ZDHHC14: variants seen among roughly 807,000 people sequenced by gnomAD.
The protein encoded by ZDHHC14 is zDHHC palmitoyltransferase 14, also known as palmitoyltransferase ZDHHC14.
A neutral mutation model predicts 47.7 loss-of-function variants in ZDHHC14; 16 were observed. That is an observed-to-expected ratio of 0.34 (90% CI 0.23 to 0.51). ZDHHC14 has a LOEUF of 0.51. Among genes scored for constraint, ZDHHC14 ranks in the 20% least tolerant of loss-of-function variants. The probability of loss-of-function intolerance (pLI) is 0.97; values close to 1 mark genes in which losing one functional copy is unlikely to be tolerated. For synonymous variants in ZDHHC14, 293 were observed against 278.9 expected (o/e 1.05, Z -0.50); for missense variants, 515 against 662.5 (o/e 0.78, Z 2.44).
At chr6:157,389,432 A>C (rs534435161) in intron 1 of ZDHHC14, among the ~76,000 whole-genome samples, 1 of 152,350 alleles carries the variant, frequency 6.6e-6, no homozygotes, top group South Asian at 2.1e-4. Flanking sequence ...TAATGGCATC[A>C]GTTTTAGGAA....
intron 1 of ZDHHC14, among the ~76,000 whole-genome samples, chr6:157,466,222 C>T (rs1333770829): frequency 6.6e-6 from 1 of 152,182 alleles, no homozygotes; most frequent in Admixed American, 6.5e-5. Flanking sequence ...GCTTACCTCT[C>T]CCTGGGTAAG....
chr6:157,613,557 G>A (rs368055083), intron 3 of ZDHHC14, among the ~76,000 whole-genome samples: 51 of 152,268 alleles, frequency 3.3e-4, no homozygotes, highest in Non-Finnish European at 6.3e-4. Context: ...GTATACCTCC[G>A]GGACCCTGGG....
Position 157,502,872 on chromosome 6 carries a change from A to G in ZDHHC14, c.246-39713A>G, listed in dbSNP as rs139064497. ...TGCCCAGCTAATTTTTGTATTTTTA[A>G]TAGAGATGGGGTTTTACCATGTTGC... On this transcript the variant is annotated intron_variant, in intron 1 of 8. Transcript: ENST00000359775. The surrounding 1 kb of genome is among the most constrained non-coding windows in gnomAD (Gnocchi z 4.0). Among the ~76,000 whole-genome samples, 4,267 of 152,020 alleles carry G rather than the reference A, an allele frequency of 0.028. 177 individuals carry two copies. The highest frequency in any genetic ancestry group is 0.097 in the African/African-American group (4,033 of 41,436).
chr6:157,583,506 T>C lies in ZDHHC14; in HGVS notation c.407-9482T>C, dbSNP rs182406312. 8.4e-4 allele frequency among the ~76,000 whole-genome samples: 127 copies of C among 151,826 alleles called. 1 individual carries two copies. Among genetic ancestry groups the C allele is most frequent in the Non-Finnish European group, 1.7e-3 (113 of 67,910 alleles). On this transcript the variant is annotated intron_variant, in intron 2 of 8. Transcript: ENST00000359775. ...CCAAAGGTGTTTTTTTTTTTGTTGG[T>C]TCGTTTGTTTTGTTGTTATTGTTCT...
chr6:157,529,870 G>A (rs965550880), intron 1 of ZDHHC14, among the ~76,000 whole-genome samples: 12 of 152,100 alleles, frequency 7.9e-5, no homozygotes, highest in Non-Finnish European at 1.6e-4. Flanking sequence ...ATTGACTTCT[G>A]GTTATGAAAC....
chr6:157,641,807 C>A (rs767815909), intron 5 of ZDHHC14, among the ~76,000 whole-genome samples: 2 of 152,060 alleles, frequency 1.3e-5, no homozygotes, highest in East Asian at 1.9e-4. Context: ...GTGTTTCTTA[C>A]GTTTGGTGCA....
At position 157,507,008 on chromosome 6, in the gene ZDHHC14, G is replaced by A. The variant is rs147608363; in HGVS notation, c.246-35577G>A. Among the ~76,000 whole-genome samples, 577 of 152,062 alleles carry A rather than the reference G, an allele frequency of 3.8e-3. 3 individuals are homozygous for A. The highest frequency in any genetic ancestry group is 0.013 in the African/African-American group (553 of 41,476). ...AAAACCAGCCATCTCCTGTGACCCT[G>A]CCCCCTACTCTCAGTTTCAACTGTT... On this transcript the variant is annotated intron_variant, in intron 1 of 8. Coordinates refer to ENST00000359775, the MANE Select transcript of ZDHHC14 (RefSeq NM_024630.3).
chr6:157,416,867 C>G (rs1163533360), intron 1 of ZDHHC14, among the ~76,000 whole-genome samples: 1 of 143,794 alleles, frequency 7.0e-6, no homozygotes, highest in Admixed American at 7.2e-5. Context: ...AGTGCAATGG[C>G]GTGATCTTGG....
chr6:157,522,007 A>G (rs560210422), intron 1 of ZDHHC14, among the ~76,000 whole-genome samples: 5 of 139,224 alleles, frequency 3.6e-5, no homozygotes, highest in East Asian at 2.0e-4. Context: ...ATTGCTAAGT[A>G]TATAACAAGT....
intron 2 of ZDHHC14, among the ~76,000 whole-genome samples, chr6:157,566,894 A>G (rs1782925520): frequency 6.9e-6 from 1 of 145,640 alleles, no homozygotes; most frequent in Admixed American, 7.0e-5. Context: ...TCTGTCGCCC[A>G]GGCTGGAGTG....
chr6:157,632,939 C>A (rs1776773248), intron 5 of ZDHHC14, 57 bp downstream of exon 5: 19 of 1,575,098 alleles, frequency 1.2e-5, no homozygotes, highest in Non-Finnish European at 1.7e-5. Flanking sequence ...ATCTGGCTGA[C>A]CTTCTGTGCG....
intron 8 of ZDHHC14, among the ~76,000 whole-genome samples, chr6:157,659,417 A>T (rs1778246753): frequency 6.6e-6 from 1 of 152,196 alleles, no homozygotes; most frequent in Admixed American, 6.5e-5. Context: ...GGGCCATGAG[A>T]AATACGCGTA....
intron 1 of ZDHHC14, among the ~76,000 whole-genome samples, chr6:157,511,807 A>G (rs1161906352): frequency 6.6e-6 from 1 of 152,176 alleles, no homozygotes; most frequent in African/African-American, 2.4e-5. Flanking sequence ...GTTATCGTCC[A>G]TTATGAGCTG....
intron 5 of ZDHHC14, 133 bp from the exon 6 acceptor site, chr6:157,645,604 G>A (rs1777491366): frequency 4.5e-6 from 3 of 665,994 alleles, no homozygotes; most frequent in South Asian, 1.9e-5. Context: ...CAGGAAGCAA[G>A]GCAAGGCCGG....
intron 8 of ZDHHC14, among the ~76,000 whole-genome samples, chr6:157,664,102 T>C (rs1464941509): frequency 6.6e-6 from 1 of 152,170 alleles, no homozygotes; most frequent in Non-Finnish European, 1.5e-5. Flanking sequence ...TTACCCACGC[T>C]CCCCTGTGAA....
At chr6:157,593,293 GAGTCACCAA>G (rs1783990804) in intron 3 of ZDHHC14, 147 bp downstream of exon 3, 1 of 1,095,566 alleles carries the variant, frequency 9.1e-7, no homozygotes, top group Non-Finnish European at 1.3e-6. Flanking sequence ...ACCGGGCCTA[GAGTCACCAA>G]ATATCTTTTT....
At chr6:157,622,216 CAAAAAAAAAAAAAAAAA>C (rs35681787) in intron 3 of ZDHHC14, among the ~76,000 whole-genome samples, 1 of 93,894 alleles carries the variant, frequency 1.1e-5, no homozygotes, top group Non-Finnish European at 2.2e-5. Flanking sequence ...ACTAAAAATA[CAAAAAAAAAAAAAAAAA>C]AAAAAATAGC....
intron 4 of ZDHHC14, chr6:157,629,917 G>A (rs376047540): frequency 1.3e-5 from 2 of 152,334 alleles, no homozygotes. Flanking sequence ...AGCAGTTGTT[G>A]ACACAACTAG....
chr6:157,573,793 A>C lies in ZDHHC14; in HGVS notation c.407-19195A>C, dbSNP rs546881158. On this transcript the variant is annotated intron_variant, in intron 2 of 8. Transcript: ENST00000359775. ...ATCCAGCCCAGAGGAAGCGCAGCTC[A>C]GCCATGGTGCTCTACTCCCAAGGAA... Among the ~76,000 whole-genome samples the C allele has an allele frequency of 5.4e-3, 826 of 152,294 alleles. 7 individuals carry two copies. Among genetic ancestry groups the C allele is most frequent in the Non-Finnish European group, 6.1e-3 (414 of 68,032 alleles).
Sources: allele counts gnomAD v4.1 joint callset (sites outside exome capture counted in the v4.1 genomes callset), GRCh38; gene constraint gnomAD v4.1.1; non-coding constraint Gnocchi (gnomAD v3.1); transcripts MANE v1.5; gene names NCBI Gene and HGNC (gene_info 2026-07-23, HGNC 2026-07-21).